Variants in RNF149 observed in about 807,000 individuals in gnomAD.
The protein encoded by RNF149 is ring finger protein 149.
Under a neutral mutation model 39.0 loss-of-function variants are expected in RNF149, and 21 were observed. The ratio of observed to expected loss-of-function variants is 0.54; its 90% CI spans 0.38 to 0.77. The LOEUF (loss-of-function observed/expected upper bound fraction) is 0.77, where lower values mean the gene tolerates loss of function less well. Ranked by LOEUF, RNF149 falls within the 30% of genes least tolerant of loss-of-function variation. The pLI is 0.00. For synonymous variants in RNF149, 209 were observed against 213.6 expected, an observed-to-expected ratio of 0.98 and a Z score of 0.19; for missense variants, 493 against 534.9, an observed-to-expected ratio of 0.92 and a Z score of 0.77.
intron 4 of RNF149, among the ~76,000 whole-genome samples, chr2:101,287,371 TA>T (rs1250031053): frequency 6.6e-6 from 1 of 152,042 alleles, no homozygotes; most frequent in African/African-American, 2.4e-5. Flanking sequence ...TACAAAAACA[TA>T]AAAGGAACAT....
intron 1 of RNF149, among the ~76,000 whole-genome samples, chr2:101,307,338 C>T (rs1018481998): frequency 6.6e-6 from 1 of 152,112 alleles, no homozygotes; most frequent in Non-Finnish European, 1.5e-5. Context: ...GGCGCCACCA[C>T]GTCCACGCGA....
Position 101,293,893 on chromosome 2 carries a change from C to T in RNF149, c.780+121G>A, listed in dbSNP as rs113511279. The T allele has an allele frequency of 3.8e-4, 225 of 598,708 alleles. No homozygotes were observed. In the African/African-American group the frequency reaches 4.1e-3, roughly 11 times the overall value. 37.1% of individuals were successfully genotyped at this position (598,708 alleles called of 1,614,324 possible). A position where few individuals can be genotyped will look rare whatever the true frequency, so the allele number is the denominator to read the frequency against. ...GCGACTAGTGGCTACCATATTAATG[C>T]AGGTCTAGAAGGCCCTTCTCAATGA... On this transcript the variant is annotated intron_variant, in intron 3 of 6. Coordinates refer to ENST00000295317, the MANE Select transcript of RNF149 (RefSeq NM_173647.4).
intron 1 of RNF149, among the ~76,000 whole-genome samples, chr2:101,295,943 A>G (rs1683216094): frequency 6.6e-6 from 1 of 152,172 alleles, no homozygotes; most frequent in South Asian, 2.1e-4. Flanking sequence ...GGTTGAAGAC[A>G]GGAGTTGGAG....
At chr2:101,286,203 G>A (rs779273464) in intron 4 of RNF149, 26 bp from the exon 5 acceptor site, 27 of 1,321,852 alleles carry the variant, frequency 2.0e-5, no homozygotes, top group Non-Finnish European at 2.8e-5. Context: ...ATGTGTTAAT[G>A]TTTTTAAAAT....
chr2:101,286,251 T>C (rs1682788624), intron 4 of RNF149, 74 bp from the exon 5 acceptor site: 2 of 831,320 alleles, frequency 2.4e-6, no homozygotes, highest in Non-Finnish European at 4.0e-6. Context: ...TAAGACATTG[T>C]ACCAACTCAT....
At chr2:101,273,105 T>G (rs780557257), downstream of RNF149, 25 of 1,364,624 alleles carry the variant, frequency 1.8e-5, no homozygotes, top group African/African-American at 2.9e-5. Context: ...CCTAAAAAGA[T>G]AGCATGCGGG....
intron 1 of RNF149, among the ~76,000 whole-genome samples, chr2:101,301,595 G>C (rs1045409650): frequency 6.6e-6 from 1 of 152,052 alleles, no homozygotes; most frequent in Non-Finnish European, 1.5e-5. Context: ...TATGCATCAC[G>C]ATGTCCCACC....
At chr2:101,289,558 A>G (rs1682928808) in intron 3 of RNF149, among the ~76,000 whole-genome samples, 2 of 151,974 alleles carry the variant, frequency 1.3e-5, no homozygotes, top group South Asian at 4.2e-4. Context: ...TACAAAAATT[A>G]GCTGGGCATG....
chr2:101,308,081 C>T (rs769878414), intron 1 of RNF149, 48 bp downstream of exon 1: 73 of 1,586,908 alleles, frequency 4.6e-5, no homozygotes, highest in Non-Finnish European at 6.1e-5. Flanking sequence ...ACCCCAGCCT[C>T]GGCTGCCGCG....
chr2:101,307,746 TGG>T (rs1683728531), intron 1 of RNF149: 2 of 877,932 alleles, frequency 2.3e-6, no homozygotes, highest in African/African-American at 1.8e-5. Context: ...TGGGGCGCGC[TGG>T]GGGAAGAGTT....
At chr2:101,285,222 G>A (rs1185609498) in intron 5 of RNF149, among the ~76,000 whole-genome samples, 1 of 152,002 alleles carries the variant, frequency 6.6e-6, no homozygotes, top group Non-Finnish European at 1.5e-5. Flanking sequence ...TTTTAAATGA[G>A]AATATGTTGA....
chr2:101,296,177 T>G (rs1444878285), intron 1 of RNF149, among the ~76,000 whole-genome samples: 1 of 152,094 alleles, frequency 6.6e-6, no homozygotes, highest in Non-Finnish European at 1.5e-5. Flanking sequence ...TAATACATAA[T>G]ACCTAAAGCA....
chr2:101,298,376 G>T (rs2104425095), intron 1 of RNF149, among the ~76,000 whole-genome samples: 1 of 152,254 alleles, frequency 6.6e-6, no homozygotes, highest in African/African-American at 2.4e-5. Flanking sequence ...AGTGAGCTGA[G>T]ATCACGCTAC....
chr2:101,294,955 A>G lies in RNF149; in HGVS notation c.687T>C (p.Tyr229=), dbSNP rs777555453. Residue 229 remains tyrosine, a synonymous_variant, in exon 2 of 7, where the codon TAT becomes TAC. Transcript: ENST00000295317. ...CCTGACTTCCAATCTGAGAGCCAGTATATAGGAAACGCTGTATATAGTAAA... is the reference window on the plus strand; with the variant it reads ...CCTGACTTCCAATCTGAGAGCCAGTGTATAGGAAACGCTGTATATAGTAAA... ...LIFYYIQRFL[Y]TGSQIGSQSH... 2 of 1,613,808 alleles carry G rather than the reference A, an allele frequency of 1.2e-6. No homozygotes were observed. The highest frequency in any genetic ancestry group is 1.7e-6 in the Non-Finnish European group (2 of 1,179,696).
At position 101,295,053 on chromosome 2, in the gene RNF149, T is replaced by C. The variant is rs1338236899; in HGVS notation, c.589A>G (p.Ser197Gly). ...VGTRHVQEFI[S>G]GQSVVFVAIA... The stretch of plus-strand genomic sequence containing the variant: ...GCCACAAACACCACAGACTGACCGC[T>C]GATGAACTCCTGTACATGCCGGGTG... Residue 197 changes from serine (S) to glycine (G), a missense_variant, in exon 2 of 7, where the codon AGC (serine) becomes GGC (glycine). Coordinates refer to ENST00000295317, the MANE Select transcript of RNF149 (RefSeq NM_173647.4). 6.2e-7 allele frequency: 1 copy of C among 1,614,208 alleles called. No homozygotes were observed.
intron 3 of RNF149, among the ~76,000 whole-genome samples, chr2:101,291,402 G>A (rs1372731780): frequency 6.6e-6 from 1 of 151,734 alleles, no homozygotes; most frequent in Non-Finnish European, 1.5e-5. Flanking sequence ...ACCCGCCTCG[G>A]CCTCCCAAAG....
intron 6 of RNF149, 74 bp from the exon 7 acceptor site, chr2:101,277,355 T>G: frequency 6.5e-7 from 1 of 1,528,700 alleles, no homozygotes; most frequent in East Asian, 2.3e-5. Context: ...GCAAACACAC[T>G]TACTCACTTG....
intron 1 of RNF149, 136 bp from the exon 2 acceptor site, chr2:101,295,317 C>A: frequency 1.4e-6 from 1 of 731,774 alleles, no homozygotes; most frequent in Non-Finnish European, 2.2e-6. Context: ...CATAAGTTAC[C>A]AAACCTGGTT....
chr2:101,302,901 T>TC (rs1450202354), intron 1 of RNF149, among the ~76,000 whole-genome samples: 1 of 150,778 alleles, frequency 6.6e-6, no homozygotes, highest in East Asian at 2.0e-4. Context: ...GATTGCTTGA[T>TC]CCCTAAAGGG....
Sources: gnomAD v4.1 joint callset for allele counts (sites outside exome capture counted in the v4.1 genomes callset) on GRCh38, gnomAD v4.1.1 for gene constraint, MANE v1.5 for transcripts, NCBI Gene and HGNC (gene_info 2026-07-23, HGNC 2026-07-21) for gene names.